SMAD9: variants seen among roughly 807,000 people sequenced by gnomAD.
SMAD9 encodes the protein MAD homolog 9.
In SMAD9, 36 loss-of-function variants were observed where a neutral mutation model predicts 46.1. The observed-to-expected ratio is 0.78, with a 90% CI of 0.60 to 1.03. SMAD9 has a LOEUF of 1.03. Among genes scored for constraint, SMAD9 ranks in the 50% least tolerant of loss-of-function variants. The pLI is 0.00. For synonymous variants in SMAD9, 245 were observed against 237.1 expected, an observed-to-expected ratio of 1.03 and a Z score of -0.31; for missense variants, 572 against 599.8, an observed-to-expected ratio of 0.95 and a Z score of 0.48.
intron 1 of SMAD9, among the ~76,000 whole-genome samples, chr13:36,911,289 C>A (rs1593629246): frequency 6.6e-6 from 1 of 152,144 alleles, no homozygotes; most frequent in Admixed American, 6.5e-5. Context: ...GGATTACAGG[C>A]ATGAACCATT....
At position 36,905,911 on chromosome 13, in the gene SMAD9, T is replaced by C. The variant is rs190284543; in HGVS notation, c.-187+14205A>G. 2.0e-5 allele frequency among the ~76,000 whole-genome samples: 3 copies of C among 151,306 alleles called. No individual in the cohort carries two copies. In the Admixed American group the frequency reaches 2.0e-4, roughly 10 times the overall value. On this transcript the variant is annotated intron_variant, in intron 1 of 6. Transcript: ENST00000379826. ...TATTTTCTTGCTATGTCTCAAGCAA[T>C]CCTCCCGCTTCAGCCTCCCAAAGTG... is the stretch of plus-strand genomic sequence containing the variant.
intron 1 of SMAD9, among the ~76,000 whole-genome samples, chr13:36,893,558 A>G (rs1196198582): frequency 6.6e-6 from 1 of 151,368 alleles, no homozygotes; most frequent in East Asian, 1.9e-4. Flanking sequence ...TAGAGGATGA[A>G]TAAATGACGA....
At chr13:36,877,534 A>G (rs1451546495) in intron 2 of SMAD9, among the ~76,000 whole-genome samples, 1 of 152,178 alleles carries the variant, frequency 6.6e-6, no homozygotes, top group African/African-American at 2.4e-5. Flanking sequence ...CCATTTGGAT[A>G]TATTTTGGAT....
At chr13:36,869,152 C>T (rs4332636) in intron 3 of SMAD9, among the ~76,000 whole-genome samples, 24,272 of 151,554 alleles carry the variant, frequency 0.16, 2,879 homozygotes, top group East Asian at 0.39. Flanking sequence ...ACGGAGTTTC[C>T]GTTTGGGGTG....
At chr13:36,896,034 T>C (rs1321374829) in intron 1 of SMAD9, among the ~76,000 whole-genome samples, 10 of 152,130 alleles carry the variant, frequency 6.6e-5, no homozygotes, top group Admixed American at 3.9e-4. Flanking sequence ...AAATGACAAA[T>C]GTAAAAGGCG....
intron 5 of SMAD9, among the ~76,000 whole-genome samples, chr13:36,858,218 C>T (rs2058145518): frequency 6.6e-6 from 1 of 152,168 alleles, no homozygotes; most frequent in East Asian, 1.9e-4. Flanking sequence ...AAAAAAAATA[C>T]TAATAATATA....
At chr13:36,861,300 C>G (rs955601865) in intron 5 of SMAD9, among the ~76,000 whole-genome samples, 1 of 152,074 alleles carries the variant, frequency 6.6e-6, no homozygotes, top group Non-Finnish European at 1.5e-5. Context: ...AATGGCTCAT[C>G]ATTAACTATA....
chr13:36,865,242 T>C (rs1457026108), intron 5 of SMAD9, among the ~76,000 whole-genome samples: 3 of 152,262 alleles, frequency 2.0e-5, no homozygotes, highest in Admixed American at 6.5e-5. Flanking sequence ...AACACTTCTA[T>C]TTAATAATTT....
At chr13:36,859,551 C>T (rs2058159322) in intron 5 of SMAD9, among the ~76,000 whole-genome samples, 1 of 152,186 alleles carries the variant, frequency 6.6e-6, no homozygotes, top group Non-Finnish European at 1.5e-5. Flanking sequence ...ACTACACTCC[C>T]ACCAGTGCCA....
chr13:36,852,220 G>A (rs2058080283), intron 6 of SMAD9: 1 of 871,444 alleles, frequency 1.1e-6, no homozygotes, highest in Admixed American at 6.2e-5. Flanking sequence ...CATAATTTGA[G>A]TATAGAAAAA....
At chr13:36,901,675 G>T (rs1349022919) in intron 1 of SMAD9, among the ~76,000 whole-genome samples, 1 of 152,118 alleles carries the variant, frequency 6.6e-6, no homozygotes, top group Non-Finnish European at 1.5e-5. Flanking sequence ...TGATCTCCCT[G>T]CCTCGGCCTC....
rs1270487402 is a variant in SMAD9 at position 36,845,703 on chromosome 13, ATTTAT to A, written c.*2968_*2972del. On this transcript the variant is annotated 3_prime_UTR_variant, in exon 7 of 7. Coordinates refer to ENST00000379826, the MANE Select transcript of SMAD9 (RefSeq NM_001127217.3). The stretch of plus-strand genomic sequence containing the variant: ...TTAGCAGCCTGAAATCAAATACTGC[ATTTAT>A]TTTTTGAAACTCTTGGTAGCAAAAG... 1 of 152,140 alleles carries A rather than the reference ATTTAT, an allele frequency of 6.6e-6. No individual in the cohort carries two copies. Among genetic ancestry groups the A allele is most frequent in the African/African-American group, 2.4e-5 (1 of 41,426 alleles). 9.4% of individuals were successfully genotyped at this position (152,140 alleles called of 1,614,324 possible).
chr13:36,887,769 G>A (rs1191467022), intron 1 of SMAD9, among the ~76,000 whole-genome samples: 6 of 152,116 alleles, frequency 3.9e-5, no homozygotes, highest in African/African-American at 1.2e-4. Context: ...AGATAGAAGT[G>A]GGACAACAGA....
intron 1 of SMAD9, among the ~76,000 whole-genome samples, chr13:36,907,211 GA>G (rs2058626694): frequency 6.6e-6 from 1 of 152,184 alleles, no homozygotes; most frequent in South Asian, 2.1e-4. Context: ...GAAGAAAGTA[GA>G]ATGAAGGTTA....
rs1555303958 is a variant in SMAD9, at chr13:36,847,690, G to A, written c.*986C>T. 1 of 152,226 alleles carries A rather than the reference G, an allele frequency of 6.6e-6. No individual in the cohort carries two copies. The highest frequency in any genetic ancestry group is 1.5e-5 in the Non-Finnish European group (1 of 68,050). 9.4% of individuals were successfully genotyped at this position (152,226 alleles called of 1,614,324 possible). A position where few individuals can be genotyped will look rare whatever the true frequency, so the allele number is the denominator to read the frequency against. On this transcript the variant is annotated 3_prime_UTR_variant, in exon 7 of 7. Coordinates refer to ENST00000379826, the MANE Select transcript of SMAD9 (RefSeq NM_001127217.3). ...TTGCCAAGAGGCAGGAAAACGTGGC[G>A]AAAGAGTGCCCTTCCCAGGAGACTG...
At position 36,879,830 on chromosome 13, in the gene SMAD9, G is replaced by T; in HGVS notation, c.-141C>A. The T allele has an allele frequency of 1.2e-6, 1 of 861,406 alleles. No individual in the cohort carries two copies. The highest frequency in any genetic ancestry group is 1.8e-6 in the Non-Finnish European group (1 of 547,436). The allele number at this position is 861,406 out of a possible 1,614,324, so 53.4% of individuals were successfully genotyped here. A position where few individuals can be genotyped will look rare whatever the true frequency, so the allele number is the denominator to read the frequency against. ...AGCAGCTGGGACCAATTCAAGTTGC[G>T]AAGTGTGTTGACTTTCTCCTAAGCC... is the stretch of plus-strand genomic sequence containing the variant. On this transcript the variant is annotated 5_prime_UTR_variant, in exon 2 of 7. Transcript: ENST00000379826.
At chr13:36,893,068 T>A (rs1475157084) in intron 1 of SMAD9, among the ~76,000 whole-genome samples, 2 of 152,158 alleles carry the variant, frequency 1.3e-5, no homozygotes, top group Non-Finnish European at 2.9e-5. Flanking sequence ...AATAGTTGGT[T>A]CAAGAACTGT....
At chr13:36,876,437 C>A (rs2058346149) in intron 2 of SMAD9, among the ~76,000 whole-genome samples, 1 of 152,110 alleles carries the variant, frequency 6.6e-6, no homozygotes, top group Admixed American at 6.6e-5. Flanking sequence ...GACCCTTCAC[C>A]AACTGTTGGG....
rs2058045402 is a variant in SMAD9 at position 36,847,674 on chromosome 13, G to A, written c.*1002C>T. 6.6e-6 allele frequency: 1 copy of A among 152,232 alleles called. No individual in the cohort carries two copies. The highest frequency in any genetic ancestry group is 1.5e-5 in the Non-Finnish European group (1 of 68,034). The allele number at this position is 152,232 out of a possible 1,614,324, so 9.4% of individuals were successfully genotyped here. On this transcript the variant is annotated 3_prime_UTR_variant, in exon 7 of 7. Transcript: ENST00000379826. ...TGCAAAGAGTTAATATTTGCCAAGA[G>A]GCAGGAAAACGTGGCGAAAGAGTGC... is the stretch of plus-strand genomic sequence containing the variant.
Sources: gnomAD v4.1 joint callset for allele counts (sites outside exome capture counted in the v4.1 genomes callset) on GRCh38, gnomAD v4.1.1 for gene constraint, MANE v1.5 for transcripts, NCBI Gene and HGNC (gene_info 2026-07-23, HGNC 2026-07-21) for gene names.